The following ABCA8 variants were observed in gnomAD, a reference collection of about 807,000 sequenced individuals.
ABCA8 encodes the protein ATP binding cassette subfamily A member 8.
Under a neutral mutation model 192.3 loss-of-function variants are expected in ABCA8, and 177 were observed. That is an observed-to-expected ratio of 0.92 (90% CI 0.81 to 1.04). The LOEUF is 1.04. ABCA8 is among the 50% of genes least tolerant of loss of function. The pLI is 0.00. For synonymous variants in ABCA8, 642 were observed against 690.2 expected, an observed-to-expected ratio of 0.93 and a Z score of 1.09; for missense variants, 1,915 against 1,904.8, an observed-to-expected ratio of 1.01 and a Z score of -0.10.
In ABCA8 at chr17:68,876,651, A is replaced by C. The variant is rs1279806134; in HGVS notation, c.4252T>G (p.Leu1418Val). The change falls in exon 34 of 40, where the codon TTG becomes GTG. Residue 1418 changes from leucine to valine, a missense_variant. Coordinates refer to ENST00000586539, the MANE Select transcript of ABCA8 (RefSeq NM_001288985.2). ...QDQLKSPVKT[L>V]SEGIKRKLCF... Reference sequence around the variant, plus strand: ...ACCTTTCTCTTTATTCCCTCTGACAAGGTCTTCACGGGAGACTTCAGCTGG... The same window carrying C: ...ACCTTTCTCTTTATTCCCTCTGACACGGTCTTCACGGGAGACTTCAGCTGG... The C allele has an allele frequency of 6.2e-7, 1 of 1,614,048 alleles. No individual in the cohort carries two copies. The highest frequency in any genetic ancestry group is 1.3e-5 in the African/African-American group (1 of 74,922).
At chr17:68,946,050 A>AAATTAATT (rs34544091) in intron 2 of ABCA8, among the ~76,000 whole-genome samples, 82 of 148,898 alleles carry the variant, frequency 5.5e-4, no homozygotes, top group African/African-American at 1.3e-3. Flanking sequence ...CTTTTTACCA[A>AAATTAATT]AATTAATTAA....
Position 68,891,579 on chromosome 17 carries a change from T to A in ABCA8, c.3054A>T (p.Pro1018=), listed in dbSNP as rs758612114. The A allele has an allele frequency of 6.2e-7, 1 of 1,612,142 alleles. No homozygotes were observed. The highest frequency in any genetic ancestry group is 1.1e-5 in the South Asian group (1 of 91,024). The change falls in exon 24 of 40, where the codon CCA becomes CCT. Residue 1018 remains proline, a synonymous_variant. Coordinates refer to ENST00000586539, the MANE Select transcript of ABCA8 (RefSeq NM_001288985.2). ...STFLENGQDN[P]IGFLAYIMFW... ...ACATGATATATGCCAGGAATCCGAT[T>A]GGATTGTCCTGTCCATTCTGAAAAA...
chr17:68,889,283 G>T (rs1424465955), intron 24 of ABCA8, among the ~76,000 whole-genome samples: 1 of 152,148 alleles, frequency 6.6e-6, no homozygotes, highest in Non-Finnish European at 1.5e-5. Context: ...GTTGGCCTGG[G>T]TTATTAATCA....
intron 25 of ABCA8, 83 bp from the exon 26 acceptor site, chr17:68,887,213 C>A: frequency 7.4e-7 from 1 of 1,357,448 alleles, no homozygotes. Flanking sequence ...TTGTCATAGC[C>A]CAGGATTTTA....
chr17:68,924,731 G>A lies in ABCA8; in HGVS notation c.1412C>T (p.Pro471Leu), dbSNP rs759827853. The A allele has an allele frequency of 6.2e-7, 1 of 1,613,826 alleles. No individual in the cohort carries two copies. Among genetic ancestry groups the A allele is most frequent in the Non-Finnish European group, 8.5e-7 (1 of 1,179,916 alleles). The change falls in exon 11 of 40, where the codon CCT (proline) becomes CTT (leucine). Residue 471 changes from proline to leucine, a missense_variant. Coordinates refer to ENST00000586539, the MANE Select transcript of ABCA8 (RefSeq NM_001288985.2). Reference protein sequence around the residue: ...PSFHDSFEQAPPEFQGKEAIR... With the variant: ...PSFHDSFEQALPEFQGKEAIR... ...GGCTTCTTTCCCTTGGAATTCTGGA[G>A]GCGCTTGTTCAAAAGAGTCATGAAA...
At chr17:68,902,637 C>T in intron 21 of ABCA8, 76 bp downstream of exon 21, 2 of 1,243,632 alleles carry the variant, frequency 1.6e-6, no homozygotes, top group South Asian at 2.1e-5. Context: ...AAGCTATTTT[C>T]TTTCTCATGG....
intron 21 of ABCA8, 119 bp from the exon 22 acceptor site, chr17:68,895,132 T>C: frequency 1.4e-6 from 1 of 724,766 alleles, no homozygotes; most frequent in South Asian, 4.6e-5. Context: ...TCAGGATATT[T>C]TCTACATAAC....
At position 68,883,843 on chromosome 17, in the gene ABCA8, A is replaced by C. The variant is rs772255644; in HGVS notation, c.3655T>G (p.Cys1219Gly). ...TTCTTTCCAAACTTCCATTCCAGACATCGAAGAGTAAAAAGAAAAATGATA... is the reference window on the plus strand; with the variant it reads ...TTCTTTCCAAACTTCCATTCCAGACCTCGAAGAGTAAAAAGAAAAATGATA... ...HFIIFLFTLRCLEWKFGKKSM... is the reference protein window; with the variant it reads ...HFIIFLFTLRGLEWKFGKKSM... The change falls in exon 29 of 40, where the codon TGT (cysteine) becomes GGT (glycine). Residue 1219 changes from cysteine (C) to glycine (G), a missense_variant. Physicochemically the swap from Cys to Gly is radical, Grantham distance 159 (BLOSUM62 -3). Coordinates refer to ENST00000586539, the MANE Select transcript of ABCA8 (RefSeq NM_001288985.2). 1.9e-6 allele frequency: 3 copies of C among 1,600,306 alleles called. No individual in the cohort carries two copies. Among genetic ancestry groups the C allele is most frequent in the Non-Finnish European group, 2.6e-6 (3 of 1,174,726 alleles).
intron 32 of ABCA8, chr17:68,879,411 T>C (rs1598188371): frequency 1.3e-5 from 2 of 152,378 alleles, no homozygotes; most frequent in East Asian, 3.9e-4. Flanking sequence ...GCTCTGATGC[T>C]GGACATTCTC....
intron 13 of ABCA8, among the ~76,000 whole-genome samples, chr17:68,920,955 G>A (rs1017735440): frequency 2.0e-5 from 3 of 152,122 alleles, no homozygotes; most frequent in Non-Finnish European, 4.4e-5. Context: ...CAAGCCAAAT[G>A]TCCCTCAATG....
At chr17:68,922,410 G>T in intron 11 of ABCA8, 110 bp from the exon 12 acceptor site, 1 of 744,992 alleles carries the variant, frequency 1.3e-6, no homozygotes, top group Non-Finnish European at 2.1e-6. Context: ...GAAGATCTGG[G>T]TCTTCACTCT....
At position 68,924,707 on chromosome 17, in the gene ABCA8, G is replaced by C. The variant is rs545438229; in HGVS notation, c.1436C>G (p.Ala479Gly). Residue 479 changes from alanine to glycine, a missense_variant, in exon 11 of 40, where the codon GCC becomes GGC. Transcript: ENST00000586539. ...QAPPEFQGKEAIRIRNVTKEY... is the reference protein window; with the variant it reads ...QAPPEFQGKEGIRIRNVTKEY... ...CCACCTGCAGCCTTATTACCTGATG[G>C]CTTCTTTCCCTTGGAATTCTGGAGG... is the stretch of plus-strand genomic sequence containing the variant. 7 of 1,612,582 alleles carry C rather than the reference G, an allele frequency of 4.3e-6. No homozygotes were observed. The highest frequency in any genetic ancestry group is 1.7e-5 in the Admixed American group (1 of 59,668).
At chr17:68,923,081 A>G (rs1254053441) in intron 11 of ABCA8, among the ~76,000 whole-genome samples, 1 of 152,168 alleles carries the variant, frequency 6.6e-6, no homozygotes, top group African/African-American at 2.4e-5. Context: ...GTTTTATTCT[A>G]CCAGGTAAGT....
rs776955623 is a variant in ABCA8 at position 68,875,393 on chromosome 17, C to G, written c.4498G>C (p.Gly1500Arg). 1.2e-6 allele frequency: 2 copies of G among 1,613,634 alleles called. No individual in the cohort carries two copies. The highest frequency in any genetic ancestry group is 1.7e-6 in the Non-Finnish European group (2 of 1,179,920). Reference sequence around the variant, plus strand: ...TTGCTTTTCAGGTGTTGGATGGAACCGATACATCTGGAGGATGAGGTCATA... The same window carrying G: ...TTGCTTTTCAGGTGTTGGATGGAACGGATACATCTGGAGGATGAGGTCATA... ...IMVSGRLRCIGSIQHLKSKFG... is the reference protein window; with the variant it reads ...IMVSGRLRCIRSIQHLKSKFG... The change falls in exon 37 of 40, where the codon GGT becomes CGT. Residue 1500 changes from glycine (G) to arginine (R), a missense_variant. Gly to Arg is a moderately radical substitution (Grantham distance 125, BLOSUM62 -2). Transcript: ENST00000586539.
rs751323620 is a variant in ABCA8 at position 68,868,104 on chromosome 17, A to G, written c.4847T>C (p.Leu1616Pro). ...GGGGTTTTAAGGCTCTTCCTGGGGG[A>G]GGAGCTTCCACTTCACTGAGGGATC... ...DFDPSVKWKL[L>P]PQEEP is the part of the protein sequence containing the mutation. Residue 1616 changes from leucine (L) to proline (P), a missense_variant, in exon 40 of 40, where the codon CTC becomes CCC. Coordinates refer to ENST00000586539, the MANE Select transcript of ABCA8 (RefSeq NM_001288985.2). 4 of 1,612,244 alleles carry G rather than the reference A, an allele frequency of 2.5e-6. No individual in the cohort carries two copies. Among genetic ancestry groups the G allele is most frequent in the Non-Finnish European group, 3.4e-6 (4 of 1,179,284 alleles).
chr17:68,925,923 A>G (rs958282821), intron 10 of ABCA8, among the ~76,000 whole-genome samples: 1 of 152,230 alleles, frequency 6.6e-6, no homozygotes, highest in Admixed American at 6.5e-5. Context: ...ACAATTAGGA[A>G]GAAAATGGAG....
At chr17:68,929,014 A>C (rs1219224189) in intron 9 of ABCA8, 35 bp downstream of exon 9, 1 of 1,390,788 alleles carries the variant, frequency 7.2e-7, no homozygotes. Flanking sequence ...GATGTTTCAG[A>C]AATGCCATTA....
At chr17:68,882,854 C>A (rs943792937) in intron 29 of ABCA8, 135 bp from the exon 30 acceptor site, 26 of 691,554 alleles carry the variant, frequency 3.8e-5, no homozygotes, top group Middle Eastern at 2.6e-4. Context: ...AACTCTCATC[C>A]CCTTAAAACC....
chr17:68,879,944 T>C (rs1347784681), intron 32 of ABCA8: 2 of 152,278 alleles, frequency 1.3e-5, no homozygotes, highest in Non-Finnish European at 2.9e-5. Context: ...GGCATGTTGA[T>C]GGCAGCAGGC....
Sources: allele counts gnomAD v4.1 joint callset (sites outside exome capture counted in the v4.1 genomes callset), GRCh38; gene constraint gnomAD v4.1.1; transcripts MANE v1.5; gene names NCBI Gene and HGNC (gene_info 2026-07-23, HGNC 2026-07-21).